Variants in LYST observed in about 807,000 individuals in gnomAD.
LYST encodes the protein lysosomal-trafficking regulator.
A neutral mutation model predicts 413.6 loss-of-function variants in LYST; 192 were observed. The observed-to-expected ratio is 0.46, with a 90% confidence interval of 0.41 to 0.52. LYST has a LOEUF of 0.52. Ranked by LOEUF, LYST falls within the 20% of genes least tolerant of loss-of-function variation. LYST has a pLI of 0.00. For synonymous variants in LYST, 1,525 were observed against 1,567.3 expected (o/e 0.97, Z 0.64); for missense variants, 3,815 against 4,499.9 (o/e 0.85, Z 4.35).
At position 235,762,998 on chromosome 1, in the gene LYST, C is replaced by T. The variant is rs1008357625; in HGVS notation, c.6122-147G>A. ...ATAGCATACTTTATATTAAGGCACA[C>T]GATATGTGAATACTTACTCTTCACA... On this transcript the variant is annotated intron_variant, in intron 21 of 52. Coordinates refer to ENST00000389793, the MANE Select transcript of LYST (RefSeq NM_000081.4). The T allele has an allele frequency of 2.9e-5, 19 of 646,184 alleles. 1 individual carries two copies. The highest frequency in any genetic ancestry group is 8.1e-4 in the Middle Eastern group (2 of 2,468). The allele number at this position is 646,184 out of a possible 1,614,324, so 40.0% of individuals were successfully genotyped here. A position where few individuals can be genotyped will look rare whatever the true frequency, so the allele number is the denominator to read the frequency against.
chr1:235,796,491 A>G (rs1267909217), intron 10 of LYST, among the ~76,000 whole-genome samples: 1 of 152,236 alleles, frequency 6.6e-6, no homozygotes, highest in Non-Finnish European at 1.5e-5. Context: ...GAAGAAATCC[A>G]AAGAAAATAC....
At chr1:235,807,180 TG>T (rs1672940418) in intron 5 of LYST, among the ~76,000 whole-genome samples, 1 of 152,212 alleles carries the variant, frequency 6.6e-6, no homozygotes. Flanking sequence ...GTCCGCCTGA[TG>T]GTTCACTTGG....
rs564111943 is a variant in LYST at position 235,875,804 on chromosome 1, A to G, written n.454+7383T>C. Among the ~76,000 whole-genome samples the G allele has an allele frequency of 6.8e-4, 104 of 152,312 alleles. 1 individual carries two copies. The highest frequency in any genetic ancestry group is 8.1e-4 in the Non-Finnish European group (55 of 68,022). On this transcript the variant is annotated intron_variant and non_coding_transcript_variant, in intron 1 of 11. Transcript: ENST00000465349. ...GGCTTGCAGTGAGGTATGGTACTCA[A>G]GCCTGGGTGACAGAGCGAGACTCTG...
chr1:235,678,480 A>T (rs147379173), intron 48 of LYST, among the ~76,000 whole-genome samples: 13 of 152,294 alleles, frequency 8.5e-5, no homozygotes, highest in African/African-American at 2.9e-4. Flanking sequence ...TCTGAGGGCC[A>T]CACTGGCTCA....
chr1:235,825,476 A>G (rs1675223638), intron 3 of LYST, among the ~76,000 whole-genome samples: 1 of 152,236 alleles, frequency 6.6e-6, no homozygotes, highest in Non-Finnish European at 1.5e-5. Flanking sequence ...GATCTAATGA[A>G]TGAATTTAGC....
At chr1:235,731,907 G>A (rs1430030004) in intron 34 of LYST, among the ~76,000 whole-genome samples, 2 of 151,276 alleles carry the variant, frequency 1.3e-5, no homozygotes, top group Non-Finnish European at 1.5e-5. Context: ...TTCTTTCTGT[G>A]GTATGAATCA....
intron 52 of LYST, 21 bp from the exon 53 acceptor site, chr1:235,663,099 C>T: frequency 1.4e-6 from 2 of 1,408,276 alleles, no homozygotes; most frequent in Non-Finnish European, 2.0e-6. Context: ...AAAAAAATTC[C>T]CATTTGTACA....
At chr1:235,868,939 C>G (rs1328232463), upstream of LYST, among the ~76,000 whole-genome samples, 1 of 152,100 alleles carries the variant, frequency 6.6e-6, no homozygotes, top group Non-Finnish European at 1.5e-5. Flanking sequence ...AGGTGATCCA[C>G]CCACCTCTAC....
intron 1 of LYST, among the ~76,000 whole-genome samples, chr1:235,857,784 CAT>C (rs71583794): frequency 0.026 from 3,183 of 122,046 alleles, 143 homozygotes; most frequent in African/African-American, 0.096. Flanking sequence ...CACACACACA[CAT>C]ATATATATAA....
chr1:235,836,294 A>G (rs1324389573), intron 1 of LYST, among the ~76,000 whole-genome samples: 1 of 152,226 alleles, frequency 6.6e-6, no homozygotes, highest in Non-Finnish European at 1.5e-5. Context: ...TTAGAGCAGA[A>G]TCAAAATCCT....
rs78823696 is a variant in LYST, at chr1:235,665,250, T to C, written c.11039-629A>G. Among the ~76,000 whole-genome samples the C allele has an allele frequency of 3.6e-3, 542 of 152,294 alleles. 12 individuals carry two copies. In the East Asian group the frequency reaches 0.039, roughly 11 times the overall value. ...ATGAACCACCAAATATGAGTTATGA[T>C]TGAAAATACTTGGAAAGCTAAACAG... On this transcript the variant is annotated intron_variant, in intron 50 of 52. Transcript: ENST00000389793.
At chr1:235,779,363 T>A (rs1272674749) in intron 16 of LYST, among the ~76,000 whole-genome samples, 2 of 152,216 alleles carry the variant, frequency 1.3e-5, no homozygotes, top group Admixed American at 6.5e-5. Flanking sequence ...ATTAGGGAAA[T>A]TTTTCTATGA....
rs202107079 is a variant in LYST at position 235,795,353 on chromosome 1, CT to C, written c.4007-1742del. ...TGGCTACTGAGTGTAACTGTACAGTCTGCAGACTGAACAAACTGCCTAACCA... is the reference window on the plus strand; with the variant it reads ...TGGCTACTGAGTGTAACTGTACAGTCGCAGACTGAACAAACTGCCTAACCA... On this transcript the variant is annotated intron_variant, in intron 10 of 52. Coordinates refer to ENST00000389793, the MANE Select transcript of LYST (RefSeq NM_000081.4). Among the ~76,000 whole-genome samples, 1,377 of 152,246 alleles carry C rather than the reference CT, an allele frequency of 9.0e-3. 21 individuals are homozygous for C. The highest frequency in any genetic ancestry group is 0.031 in the African/African-American group (1,291 of 41,538).
chr1:235,738,112 G>C, intron 31 of LYST: 1 of 1,607,788 alleles, frequency 6.2e-7, no homozygotes, highest in Non-Finnish European at 8.5e-7. Context: ...TGTGCCATCG[G>C]TATCTTAATG....
intron 3 of LYST, among the ~76,000 whole-genome samples, chr1:235,822,747 A>G (rs1394973425): frequency 6.6e-6 from 1 of 152,190 alleles, no homozygotes; most frequent in African/African-American, 2.4e-5. Flanking sequence ...CTTAAATCTG[A>G]GCTCAACTTG....
At chr1:235,729,562 G>A (rs1296325681) in intron 37 of LYST, 34 bp downstream of exon 37, 1 of 1,410,008 alleles carries the variant, frequency 7.1e-7, no homozygotes, top group Non-Finnish European at 1.0e-6. Context: ...AAGGCAGGGT[G>A]AATATGTGCA....
chr1:235,712,595 A>C (rs1173055200), intron 42 of LYST: 2 of 983,882 alleles, frequency 2.0e-6, no homozygotes, highest in Admixed American at 6.2e-5. Flanking sequence ...TTTAAGTTCA[A>C]GTAGGCAAAC....
At chr1:235,764,476 A>ATTTCTTTTTTCTTCT (rs1401419419) in intron 21 of LYST, among the ~76,000 whole-genome samples, 96 of 109,870 alleles carry the variant, frequency 8.7e-4, no homozygotes, top group Non-Finnish European at 1.5e-3. Context: ...CATTTACTAC[A>ATTTCTTTTTTCTTCT]TTTCTTTTTT....
chr1:235,874,507 C>G (rs1325585783), intron 1 of LYST, among the ~76,000 whole-genome samples: 1 of 152,210 alleles, frequency 6.6e-6, no homozygotes. Flanking sequence ...AAACTTGAGA[C>G]TTAAACACTC....
Sources: allele counts gnomAD v4.1 joint callset (sites outside exome capture counted in the v4.1 genomes callset), GRCh38; gene constraint gnomAD v4.1.1; transcripts MANE v1.5; gene names NCBI Gene and HGNC (gene_info 2026-07-23, HGNC 2026-07-21).